The following MYO16 variants were observed in gnomAD, a reference collection of about 807,000 sequenced individuals.
MYO16 encodes myosin XVI.
In MYO16, 94 loss-of-function variants were observed where a neutral mutation model predicts 205.3. The ratio of observed to expected loss-of-function variants is 0.46; its 90% CI spans 0.39 to 0.54. The LOEUF (loss-of-function observed/expected upper bound fraction) is 0.54. Ranked by LOEUF, MYO16 falls within the 20% of genes least tolerant of loss-of-function variation. MYO16 has a pLI of 0.00. For missense variants in MYO16, 2,315 were observed against 2,387.5 expected, an observed-to-expected ratio of 0.97 and a Z score of 0.63; for synonymous variants, 988 against 954.0, an observed-to-expected ratio of 1.04 and a Z score of -0.66.
intron 29 of MYO16, 148 bp from the exon 30 acceptor site, chr13:109,124,964 C>T: frequency 4.6e-6 from 4 of 860,714 alleles, no homozygotes; most frequent in Non-Finnish European, 7.1e-6. Flanking sequence ...TTAGTGTTAT[C>T]ACTGCTGATT....
intron 34 of MYO16, among the ~76,000 whole-genome samples, chr13:109,202,964 C>T (rs1418088151): frequency 6.6e-6 from 1 of 152,150 alleles, no homozygotes; most frequent in Admixed American, 6.5e-5. Flanking sequence ...CCCTATTCAA[C>T]AAATGGTGCT....
intron 2 of MYO16, among the ~76,000 whole-genome samples, chr13:108,679,973 C>T (rs1882393657): frequency 6.6e-6 from 1 of 152,144 alleles, no homozygotes; most frequent in Non-Finnish European, 1.5e-5. Context: ...TTTGTATGTT[C>T]TAGTCCCAAT....
the MYO16 span, among the ~76,000 whole-genome samples, chr13:108,571,300 TG>T: frequency 7.0e-6 from 1 of 142,606 alleles, no homozygotes; most frequent in Admixed American, 7.1e-5. Context: ...AGCCCTGGGA[TG>T]AAAAAAAAAA....
intron 27 of MYO16, among the ~76,000 whole-genome samples, chr13:109,058,942 T>C (rs1428344779): frequency 6.6e-6 from 1 of 152,164 alleles, no homozygotes; most frequent in Non-Finnish European, 1.5e-5. Flanking sequence ...TCTTCACCAG[T>C]AGTAGATTCC....
At chr13:108,628,022 A>G (rs1233465427), upstream of MYO16, among the ~76,000 whole-genome samples, 1 of 152,222 alleles carries the variant, frequency 6.6e-6, no homozygotes, top group African/African-American at 2.4e-5. Context: ...ATGCACATGT[A>G]AAGATTTGTA....
chr13:108,683,875 T>C (rs1002018315), intron 2 of MYO16, among the ~76,000 whole-genome samples: 1 of 152,172 alleles, frequency 6.6e-6, no homozygotes, highest in African/African-American at 2.4e-5. Flanking sequence ...GAGTAAGATG[T>C]GTTGCCTTCT....
At chr13:108,937,212 T>C (rs1882528324) in intron 16 of MYO16, among the ~76,000 whole-genome samples, 1 of 152,220 alleles carries the variant, frequency 6.6e-6, no homozygotes, top group Admixed American at 6.5e-5. Context: ...TGCTGAGAAG[T>C]CTGCCATTAG....
chr13:108,705,802 A>T (rs1883487435), intron 2 of MYO16, among the ~76,000 whole-genome samples: 1 of 152,202 alleles, frequency 6.6e-6, no homozygotes, highest in South Asian at 2.1e-4. Flanking sequence ...TCCTAGAAAG[A>T]CACAAATCAT....
At chr13:109,000,500 A>G (rs768791389) in intron 21 of MYO16, among the ~76,000 whole-genome samples, 1 of 152,202 alleles carries the variant, frequency 6.6e-6, no homozygotes, top group Non-Finnish European at 1.5e-5. Context: ...CAACTATTTG[A>G]AAAAGGCTTA....
chr13:109,083,823 C>T (rs775240567), intron 27 of MYO16, among the ~76,000 whole-genome samples: 2 of 152,128 alleles, frequency 1.3e-5, no homozygotes, highest in African/African-American at 2.4e-5. Flanking sequence ...CAGCATCATA[C>T]CAAATATTTG....
intron 29 of MYO16, among the ~76,000 whole-genome samples, chr13:109,124,349 T>C (rs894778743): frequency 2.6e-5 from 4 of 152,212 alleles, no homozygotes; most frequent in African/African-American, 9.6e-5. Flanking sequence ...TTGGTTGTGT[T>C]GACCTGGAGG....
At chr13:108,825,515 T>C (rs187331896) in intron 9 of MYO16, among the ~76,000 whole-genome samples, 1 of 151,884 alleles carries the variant, frequency 6.6e-6, no homozygotes, top group Admixed American at 6.6e-5. Context: ...AAGGCAAGAG[T>C]GTCTGCTGTC....
intron 34 of MYO16, among the ~76,000 whole-genome samples, chr13:109,195,580 T>G (rs1043437043): frequency 2.6e-5 from 4 of 152,160 alleles, no homozygotes; most frequent in Non-Finnish European, 5.9e-5. Flanking sequence ...TCTTGTTAGC[T>G]CCAAGTAGAA....
chr13:109,155,206 C>T lies in MYO16; in HGVS notation c.5165-9695C>T, dbSNP rs779990271. ...TCCTACTTCAGTTGGTGTTTTCTAG[C>T]ACAAACCATCTCCTTCGACTTGGCG... On this transcript the variant is annotated intron_variant, in intron 32 of 34. Transcript: ENST00000457511. Among the ~76,000 whole-genome samples the T allele has an allele frequency of 4.6e-5, 7 of 152,180 alleles. No individual in the cohort carries two copies. In the South Asian group the frequency reaches 6.2e-4, roughly 14 times the overall value.
At chr13:108,693,789 A>G (rs1882988108) in intron 2 of MYO16, among the ~76,000 whole-genome samples, 1 of 152,140 alleles carries the variant, frequency 6.6e-6, no homozygotes, top group Non-Finnish European at 1.5e-5. Flanking sequence ...AGTTTGTTAT[A>G]CAGATTATTT....
Position 108,656,388 on chromosome 13 carries a change from G to T in MYO16, c.29-9498G>T, listed in dbSNP as rs148329710. Among the ~76,000 whole-genome samples the T allele has an allele frequency of 3.3e-5, 5 of 152,246 alleles. 1 individual carries two copies. Among genetic ancestry groups the T allele is most frequent in the African/African-American group, 1.2e-4 (5 of 41,542 alleles). On this transcript the variant is annotated intron_variant, in intron 1 of 34. Coordinates refer to ENST00000457511, the MANE Select transcript of MYO16 (RefSeq NM_001198950.3). ...GAGGCCTCTCCAACCATAGGGAACT[G>T]TAAGTCCAATTAAACCTCTTTTTCT...
intron 4 of MYO16, among the ~76,000 whole-genome samples, chr13:108,733,311 A>G (rs1884583326): frequency 6.6e-6 from 1 of 152,204 alleles, no homozygotes; most frequent in Non-Finnish European, 1.5e-5. Context: ...GGCATTTTTC[A>G]CATGCTTTAC....
At chr13:108,773,622 G>T (rs1324689388) in intron 4 of MYO16, among the ~76,000 whole-genome samples, 1 of 152,114 alleles carries the variant, frequency 6.6e-6, no homozygotes, top group Admixed American at 6.6e-5. Context: ...TCCTACTCCA[G>T]TGTGACTCAT....
At chr13:108,729,663 G>T (rs1242437499) in intron 4 of MYO16, among the ~76,000 whole-genome samples, 1 of 152,138 alleles carries the variant, frequency 6.6e-6, no homozygotes, top group African/African-American at 2.4e-5. Flanking sequence ...TCATATGGTT[G>T]TGCTTAAAAT....
Sources: gnomAD v4.1 joint callset for allele counts (sites outside exome capture counted in the v4.1 genomes callset) on GRCh38, gnomAD v4.1.1 for gene constraint, MANE v1.5 for transcripts, NCBI Gene and HGNC (gene_info 2026-07-23, HGNC 2026-07-21) for gene names.